Variants in ARHGAP10 observed in about 807,000 individuals in gnomAD.
ARHGAP10 encodes Rho GTPase activating protein 10, also known as rho GTPase-activating protein 10.
ARHGAP10 carries 87 observed loss-of-function variants against 108.6 expected under a neutral mutation model. The ratio of observed to expected loss-of-function variants is 0.80; its 90% CI spans 0.67 to 0.96. ARHGAP10 has a LOEUF of 0.96. ARHGAP10 is among the 40% of genes least tolerant of loss of function. The pLI, the probability that ARHGAP10 is intolerant of heterozygous loss-of-function variation, is 0.00. For missense variants in ARHGAP10, 939 were observed against 954.5 expected, an observed-to-expected ratio of 0.98 and a Z score of 0.21; for synonymous variants, 347 against 341.1, an observed-to-expected ratio of 1.02 and a Z score of -0.19.
At chr4:147,850,889 A>G (rs1044855406) in intron 4 of ARHGAP10, among the ~76,000 whole-genome samples, 1 of 152,206 alleles carries the variant, frequency 6.6e-6, no homozygotes. Flanking sequence ...GTGGGTAGCT[A>G]CAGGAACCAG....
intron 13 of ARHGAP10, among the ~76,000 whole-genome samples, chr4:147,918,097 G>A (rs1217077848): frequency 1.3e-5 from 2 of 151,270 alleles, no homozygotes; most frequent in South Asian, 2.1e-4. Context: ...GGATTTTGGA[G>A]GCTGAATAAG....
intron 1 of ARHGAP10, among the ~76,000 whole-genome samples, chr4:147,797,359 G>C (rs1359816628): frequency 6.6e-6 from 1 of 152,050 alleles, no homozygotes; most frequent in East Asian, 1.9e-4. Flanking sequence ...CCATTTTACT[G>C]TGTGCATGTC....
Position 148,018,755 on chromosome 4 carries a change from ATGT to A in ARHGAP10, c.1717-4503_1717-4501del, listed in dbSNP as rs202098692. Among the ~76,000 whole-genome samples, 51 of 152,316 alleles carry A rather than the reference ATGT, an allele frequency of 3.3e-4. No homozygotes were observed. The East Asian group carries it at 8.1e-3, about 24-fold the overall frequency. On this transcript the variant is annotated intron_variant, in intron 18 of 22. Coordinates refer to ENST00000336498, the MANE Select transcript of ARHGAP10 (RefSeq NM_024605.4). The stretch of plus-strand genomic sequence containing the variant: ...GGTAGTATTTTTCCCTAAGAATTAA[ATGT>A]TGTTTGTTTCATAAACCTATAATAT...
At chr4:147,933,295 C>A (rs1737778631) in intron 13 of ARHGAP10, among the ~76,000 whole-genome samples, 1 of 152,136 alleles carries the variant, frequency 6.6e-6, no homozygotes, top group African/African-American at 2.4e-5. Context: ...CAGGTGCAGT[C>A]ATAGCACACT....
chr4:147,884,761 T>A (rs1274668670), intron 10 of ARHGAP10, among the ~76,000 whole-genome samples: 3 of 152,138 alleles, frequency 2.0e-5, no homozygotes, highest in Non-Finnish European at 4.4e-5. Context: ...GCATGATGTA[T>A]TTGAGACACC....
In ARHGAP10 at chr4:147,948,518, C is replaced by T. The variant is rs1287545332; in HGVS notation, c.1391+1814C>T. ...ATTTCCTCCCTTCCTCCACCACTGG[C>T]ATTTATTTGTTGATGAACCTGGGTC... On this transcript the variant is annotated intron_variant, in intron 15 of 22. Coordinates refer to ENST00000336498, the MANE Select transcript of ARHGAP10 (RefSeq NM_024605.4). 3.3e-5 allele frequency among the ~76,000 whole-genome samples: 5 copies of T among 152,128 alleles called. No individual in the cohort carries two copies. In the East Asian group the frequency reaches 7.7e-4, roughly 23 times the overall value.
rs559456919 is a variant in ARHGAP10, at chr4:147,889,869, A to C, written c.1034+7937A>C. 6.4e-4 allele frequency among the ~76,000 whole-genome samples: 97 copies of C among 152,336 alleles called. 1 individual carries two copies. The highest frequency in any genetic ancestry group is 3.4e-3 in the Middle Eastern group (1 of 294). ...GATCAGATTTGGTTGCATGTAACAG[A>C]AAAAGTCAAAACAAAATGGCTTAAA... On this transcript the variant is annotated intron_variant, in intron 10 of 22. Transcript: ENST00000336498.
At chr4:147,782,606 C>G (rs943642672) in intron 1 of ARHGAP10, 26 of 151,668 alleles carry the variant, frequency 1.7e-4, no homozygotes, top group African/African-American at 6.0e-4. Context: ...CTGCTAATAT[C>G]TAAATGCAGC....
At chr4:147,998,562 A>G (rs917953621) in intron 18 of ARHGAP10, among the ~76,000 whole-genome samples, 4 of 152,232 alleles carry the variant, frequency 2.6e-5, no homozygotes, top group African/African-American at 4.8e-5. Context: ...TACCAATATT[A>G]TATAGAGTTC....
At chr4:147,749,196 CTG>C (rs1252732774) in intron 1 of ARHGAP10, among the ~76,000 whole-genome samples, 2 of 152,110 alleles carry the variant, frequency 1.3e-5, no homozygotes, top group South Asian at 2.1e-4. Context: ...GAAATGAAGA[CTG>C]TGATTCCTGT....
intron 1 of ARHGAP10, among the ~76,000 whole-genome samples, chr4:147,806,125 C>G (rs76404373): frequency 5.5e-4 from 83 of 152,246 alleles, no homozygotes; most frequent in African/African-American, 1.9e-3. Flanking sequence ...AGCTGAGTGA[C>G]TGAATCCAGG....
At chr4:147,936,343 A>AC (rs1737935268) in intron 13 of ARHGAP10, among the ~76,000 whole-genome samples, 3 of 52,380 alleles carry the variant, frequency 5.7e-5, no homozygotes, top group Non-Finnish European at 1.1e-4. Flanking sequence ...TTTTTTTGAG[A>AC]TGGAGTCTTG....
intron 1 of ARHGAP10, among the ~76,000 whole-genome samples, chr4:147,789,016 T>C (rs1267524486): frequency 1.3e-5 from 2 of 152,226 alleles, no homozygotes; most frequent in Non-Finnish European, 2.9e-5. Context: ...TAATGAAATT[T>C]TCACAGAACT....
chr4:147,794,943 A>G (rs1196217656), intron 1 of ARHGAP10, among the ~76,000 whole-genome samples: 1 of 152,212 alleles, frequency 6.6e-6, no homozygotes, highest in Non-Finnish European at 1.5e-5. Flanking sequence ...TAAAAATTCA[A>G]TATTTAAAGT....
intron 15 of ARHGAP10, among the ~76,000 whole-genome samples, chr4:147,954,852 A>G (rs557958122): frequency 1.3e-5 from 2 of 152,126 alleles, no homozygotes; most frequent in Admixed American, 6.5e-5. Context: ...ATAAATTCTT[A>G]TTTTTATAAT....
intron 13 of ARHGAP10, among the ~76,000 whole-genome samples, chr4:147,929,999 T>C (rs1410764250): frequency 1.3e-5 from 2 of 152,200 alleles, no homozygotes; most frequent in Non-Finnish European, 2.9e-5. Flanking sequence ...TGTTAGACTT[T>C]TGATGTAAAT....
intron 7 of ARHGAP10, among the ~76,000 whole-genome samples, chr4:147,867,360 CA>C (rs1428866494): frequency 1.3e-5 from 2 of 152,074 alleles, no homozygotes; most frequent in African/African-American, 4.8e-5. Flanking sequence ...TCATTTTGAT[CA>C]GGTGGTATAT....
Position 147,875,021 on chromosome 4 carries a change from A to G in ARHGAP10, c.703A>G (p.Thr235Ala), listed in dbSNP as rs1407019959. 3.2e-6 allele frequency: 5 copies of G among 1,581,290 alleles called. No homozygotes were observed. The Admixed American group carries it at 8.0e-5, about 25-fold the overall frequency. Reference sequence around the variant, plus strand: ...ATGTGTGTTTTTTAATCCATTTCAGACACGGAATCGATTTGAAGGAACAAG... The same window carrying G: ...ATGTGTGTTTTTTAATCCATTTCAGGCACGGAATCGATTTGAAGGAACAAG... ...KMELQINIQN[T>A]RNRFEGTRSE... Residue 235 changes from threonine (T) to alanine (A), a missense_variant and splice_region_variant, in exon 8 of 23, where the codon ACA becomes GCA. By Grantham distance (58) the Thr-to-Ala change is moderately conservative (BLOSUM62 0). Coordinates refer to ENST00000336498, the MANE Select transcript of ARHGAP10 (RefSeq NM_024605.4).
rs146688350 is a variant in ARHGAP10 at position 147,796,089 on chromosome 4, T to C, written c.155-26638T>C. On this transcript the variant is annotated intron_variant, in intron 1 of 22. Coordinates refer to ENST00000336498, the MANE Select transcript of ARHGAP10 (RefSeq NM_024605.4). ...AACAGAAATAGAAGACCTAGAGCTA[T>C]TTGTTTATAATTTCCCCCCCTTCTT... Among the ~76,000 whole-genome samples the C allele has an allele frequency of 5.0e-3, 755 of 152,316 alleles. 14 individuals are homozygous for C. Among genetic ancestry groups the C allele is most frequent in the African/African-American group, 0.017 (716 of 41,564 alleles).
Sources: allele counts gnomAD v4.1 joint callset (sites outside exome capture counted in the v4.1 genomes callset), GRCh38; gene constraint gnomAD v4.1.1; transcripts MANE v1.5; gene names NCBI Gene and HGNC (gene_info 2026-07-23, HGNC 2026-07-21).